The following ITSN1 variants were observed in gnomAD, a reference collection of about 807,000 sequenced individuals.
ITSN1 encodes intersectin-1.
Under a neutral mutation model 239.8 loss-of-function variants are expected in ITSN1, and 58 were observed. The ratio of observed to expected loss-of-function variants is 0.24; its 90% CI spans 0.20 to 0.30. The LOEUF is 0.30. Ranked by LOEUF, ITSN1 falls within the 10% of genes least tolerant of loss-of-function variation. ITSN1 has a pLI of 1.00. For missense variants in ITSN1, 1,558 were observed against 2,103.3 expected (o/e 0.74, Z 5.07); for synonymous variants, 780 against 770.8 (o/e 1.01, Z -0.20).
At position 33,755,376 on chromosome 21, in the gene ITSN1, A is replaced by T. The variant is rs2067835731; in HGVS notation, c.703A>T (p.Thr235Ser). 1 of 1,589,622 alleles carries T rather than the reference A, an allele frequency of 6.3e-7. No homozygotes were observed. The highest frequency in any genetic ancestry group is 8.6e-7 in the Non-Finnish European group (1 of 1,160,144). The change falls in exon 8 of 40, where the codon ACT becomes TCT. Residue 235 changes from threonine to serine, a missense_variant. Physicochemically the swap from Thr to Ser is moderately conservative, Grantham distance 58 (BLOSUM62 1). Coordinates refer to ENST00000381318, the MANE Select transcript of ITSN1 (RefSeq NM_003024.3). The part of the protein sequence containing the change: ...YRQLFNSHDK[T>S]MSGHLTGPQA... ...GCAATTATTCAATAGTCATGACAAA[A>T]CTATGAGTGGACACTTAACAGGTAT...
intron 1 of ITSN1, among the ~76,000 whole-genome samples, chr21:33,678,643 A>C (rs530167606): frequency 1.3e-4 from 20 of 152,294 alleles, no homozygotes; most frequent in Admixed American, 2.6e-4. Flanking sequence ...AAGCCTGAAG[A>C]TGATTTTCTT....
At chr21:33,798,752 G>A (rs933998019) in intron 18 of ITSN1, among the ~76,000 whole-genome samples, 11 of 152,192 alleles carry the variant, frequency 7.2e-5, no homozygotes, top group African/African-American at 2.4e-4. Context: ...AGAGATGGGC[G>A]TGAGGTATGG....
rs1986813048 is a variant in ITSN1, at chr21:33,896,848, T to C, written c.*8548T>C. The C allele has an allele frequency of 6.6e-6, 1 of 152,264 alleles. No homozygotes were observed. Among genetic ancestry groups the C allele is most frequent in the African/African-American group, 2.4e-5 (1 of 41,476 alleles). 9.4% of individuals were successfully genotyped at this position (152,264 alleles called of 1,614,324 possible). A position where few individuals can be genotyped will look rare whatever the true frequency, so the allele number is the denominator to read the frequency against. On this transcript the variant is annotated 3_prime_UTR_variant, in exon 40 of 40. Coordinates refer to ENST00000381318, the MANE Select transcript of ITSN1 (RefSeq NM_003024.3). ...ATTGAGCAATAATCCTCACTATGTT[T>C]CCTGATTCTGTCTGGGATTATATTT...
chr21:33,822,165 G>A lies in ITSN1; in HGVS notation c.3017-1322G>A, dbSNP rs966697767. Among the ~76,000 whole-genome samples, 7 of 152,352 alleles carry A rather than the reference G, an allele frequency of 4.6e-5. No individual in the cohort carries two copies. In the South Asian group the frequency reaches 6.2e-4, roughly 14 times the overall value. On this transcript the variant is annotated intron_variant, in intron 24 of 39. Coordinates refer to ENST00000381318, the MANE Select transcript of ITSN1 (RefSeq NM_003024.3). Reference sequence around the variant, plus strand: ...TCGGCGCTGACAGGTCAACACTGGCGCTGAAGGAGGCCCTTGTTGCTCCAG... The same window carrying A: ...TCGGCGCTGACAGGTCAACACTGGCACTGAAGGAGGCCCTTGTTGCTCCAG...
chr21:33,676,275 G>A (rs952696263), intron 1 of ITSN1, among the ~76,000 whole-genome samples: 3 of 152,104 alleles, frequency 2.0e-5, no homozygotes, highest in Non-Finnish European at 2.9e-5. Context: ...GAGCCATTGC[G>A]CCTGTCCTGA....
Position 33,819,938 on chromosome 21 carries a change from C to T in ITSN1, c.3016+615C>T, listed in dbSNP as rs576070525. On this transcript the variant is annotated intron_variant, in intron 24 of 39. Transcript: ENST00000381318. Reference sequence around the variant, plus strand: ...CGGAGCTTGCAGTGAGCCGAGATTGCGCCACTGCAGTCCGCAGTCCGGCCT... The same window carrying T: ...CGGAGCTTGCAGTGAGCCGAGATTGTGCCACTGCAGTCCGCAGTCCGGCCT... 9.1e-3 allele frequency among the ~76,000 whole-genome samples: 1,385 copies of T among 152,166 alleles called. 25 individuals carry two copies. Among genetic ancestry groups the T allele is most frequent in the African/African-American group, 0.031 (1,298 of 41,512 alleles).
chr21:33,809,886 T>C (rs2072771140), intron 20 of ITSN1, among the ~76,000 whole-genome samples: 1 of 152,162 alleles, frequency 6.6e-6, no homozygotes, highest in South Asian at 2.1e-4. Context: ...CTCCGTCTCC[T>C]GGGTTCAAGC....
chr21:33,835,242 G>T (rs2074535671), intron 28 of ITSN1, among the ~76,000 whole-genome samples: 1 of 152,114 alleles, frequency 6.6e-6, no homozygotes, highest in Non-Finnish European at 1.5e-5. Flanking sequence ...AGTCCCCACT[G>T]GGCCTCTTTG....
intron 1 of ITSN1, among the ~76,000 whole-genome samples, chr21:33,669,850 A>G (rs2090158654): frequency 6.6e-6 from 1 of 151,798 alleles, no homozygotes; most frequent in South Asian, 2.1e-4. Context: ...TGGCTTCATC[A>G]TTTGTTCGTA....
rs185229711 is a variant in ITSN1, at chr21:33,888,533, G to A, written c.*233G>A. 1,252 of 481,302 alleles carry A rather than the reference G, an allele frequency of 2.6e-3. 9 individuals are homozygous for A. The highest frequency in any genetic ancestry group is 1.7e-3 in the Non-Finnish European group (451 of 270,120). The allele number at this position is 481,302 out of a possible 1,614,324, so 29.8% of individuals were successfully genotyped here. On this transcript the variant is annotated 3_prime_UTR_variant, in exon 40 of 40. Transcript: ENST00000381318. ...GTGTTTTCCTTTGTCCTCACTACAG[G>A]TCTCATTATGGCTTCTAGGGTCGCT...
chr21:33,662,503 C>T (rs2089636489), intron 1 of ITSN1, among the ~76,000 whole-genome samples: 1 of 152,056 alleles, frequency 6.6e-6, no homozygotes, highest in Non-Finnish European at 1.5e-5. Flanking sequence ...TTTTTGGGGT[C>T]TTCTGTTCTG....
Position 33,882,158 on chromosome 21 carries a change from C to A in ITSN1, c.4342-85C>A. 1 of 1,182,416 alleles carries A rather than the reference C, an allele frequency of 8.5e-7. No individual in the cohort carries two copies. The highest frequency in any genetic ancestry group is 2.2e-5 in the Admixed American group (1 of 45,476). The allele number at this position is 1,182,416 out of a possible 1,614,324, so 73.2% of individuals were successfully genotyped here. A position where few individuals can be genotyped will look rare whatever the true frequency, so the allele number is the denominator to read the frequency against. On this transcript the variant is annotated intron_variant, in intron 34 of 39. Coordinates refer to ENST00000381318, the MANE Select transcript of ITSN1 (RefSeq NM_003024.3). This position sits in a 1 kb window ranked among gnomAD's most constrained non-coding sequence, Gnocchi z 4.5. ...GCCTGAGATCCGAGTCTGCTGGGGC[C>A]TGGCCTCTGATTCTGATGGAGCCCA...
intron 33 of ITSN1, among the ~76,000 whole-genome samples, chr21:33,874,650 C>CTTTTTTT (rs146318076): frequency 4.3e-5 from 6 of 138,802 alleles, no homozygotes; most frequent in African/African-American, 5.4e-5. Context: ...TTTTCTTTTT[C>CTTTTTTT]TTTCTTTTTT....
In ITSN1 at chr21:33,819,230, C is replaced by T. The variant is rs2073491360; in HGVS notation, c.2934-11C>T. 6.3e-7 allele frequency: 1 copy of T among 1,597,632 alleles called. No homozygotes were observed. ...TAAAAATTAAAATACTCTCTTCTTC[C>T]ATTATTGCAGCATGGATTCTGGTTC... On this transcript the variant is annotated splice_polypyrimidine_tract_variant and intron_variant, in intron 23 of 39. Transcript: ENST00000381318.
chr21:33,787,538 T>C (rs2070766256), intron 16 of ITSN1, among the ~76,000 whole-genome samples: 1 of 152,216 alleles, frequency 6.6e-6, no homozygotes. Flanking sequence ...AATGAGGTTG[T>C]TTGCTTAACT....
intron 11 of ITSN1, among the ~76,000 whole-genome samples, chr21:33,769,338 C>T (rs1334345937): frequency 1.3e-5 from 2 of 152,148 alleles, no homozygotes; most frequent in African/African-American, 4.8e-5. Context: ...CTCCTACATA[C>T]TAGGAATATT....
rs1276405916 is a variant in ITSN1, at chr21:33,856,888, C to G, written c.3783+31C>G. ...GGAGCTGGTGGGGCAGGGGGCACGGCAGGGGGCGATGACGGAGGGAGAGGG... is the reference window on the plus strand; with the variant it reads ...GGAGCTGGTGGGGCAGGGGGCACGGGAGGGGGCGATGACGGAGGGAGAGGG... On this transcript the variant is annotated intron_variant, in intron 30 of 39. Transcript: ENST00000381318. 3.7e-6 allele frequency: 6 copies of G among 1,607,114 alleles called. No individual in the cohort carries two copies. The Admixed American group carries it at 8.3e-5, about 22-fold the overall frequency.
Position 33,817,323 on chromosome 21 carries a change from G to A in ITSN1, c.2728-944G>A, listed in dbSNP as rs544535453. 4.9e-5 allele frequency: 64 copies of A among 1,304,302 alleles called. No homozygotes were observed. In the East Asian group the frequency reaches 1.1e-3, roughly 21 times the overall value. 80.8% of individuals were successfully genotyped at this position (1,304,302 alleles called of 1,614,324 possible). A position where few individuals can be genotyped will look rare whatever the true frequency, so the allele number is the denominator to read the frequency against. On this transcript the variant is annotated intron_variant, in intron 22 of 39. Transcript: ENST00000381318. ...CGGACCCCCTGCAGTGTTCCACCTC[G>A]AGGCTTTTGCCCATGCTGCGCCCTC...
At chr21:33,740,669 G>C (rs1312048963) in intron 5 of ITSN1, among the ~76,000 whole-genome samples, 1 of 152,182 alleles carries the variant, frequency 6.6e-6, no homozygotes, top group African/African-American at 2.4e-5. Flanking sequence ...GGTGATGGCA[G>C]CCAGAATACG....
Sources: gnomAD v4.1 joint callset for allele counts (sites outside exome capture counted in the v4.1 genomes callset) on GRCh38, gnomAD v4.1.1 for gene constraint, Gnocchi (gnomAD v3.1) non-coding constraint, MANE v1.5 for transcripts, NCBI Gene and HGNC (gene_info 2026-07-23, HGNC 2026-07-21) for gene names.